The following ABCA1 variants were observed in gnomAD, a reference collection of about 807,000 sequenced individuals.
ABCA1 encodes the protein phospholipid-transporting ATPase ABCA1.
ABCA1 carries 133 observed loss-of-function variants against 262.5 expected under a neutral mutation model. The observed-to-expected ratio is 0.51, with a 90% confidence interval of 0.44 to 0.59. The LOEUF is 0.59. Ranked by LOEUF, ABCA1 falls within the 20% of genes least tolerant of loss-of-function variation. ABCA1 has a pLI of 0.00. For synonymous variants in ABCA1, 1,022 were observed against 1,043.5 expected, an observed-to-expected ratio of 0.98 and a Z score of 0.40; for missense variants, 2,452 against 2,777.5, an observed-to-expected ratio of 0.88 and a Z score of 2.63.
intron 5 of ABCA1, among the ~76,000 whole-genome samples, chr9:104,868,399 T>G (rs1490174825): frequency 6.6e-6 from 1 of 152,218 alleles, no homozygotes; most frequent in Non-Finnish European, 1.5e-5. Context: ...ATTCACAGGT[T>G]GTTGTGCAAA....
rs148158232 is a variant in ABCA1 at position 104,926,206 on chromosome 9, C to G, written c.-93+1729G>C. Among the ~76,000 whole-genome samples, 281 of 152,180 alleles carry G rather than the reference C, an allele frequency of 1.8e-3. 1 individual carries two copies. The highest frequency in any genetic ancestry group is 6.5e-3 in the African/African-American group (271 of 41,538). On this transcript the variant is annotated intron_variant, in intron 1 of 49. Coordinates refer to ENST00000374736, the MANE Select transcript of ABCA1 (RefSeq NM_005502.4). ...GATGAATGTGTATATACTACCCATT[C>G]TCTTCTTGAAGTGTCAATGAAAAGT...
In ABCA1 at chr9:104,829,105, G is replaced by A. The variant is rs1833039333; in HGVS notation, c.1926C>T (p.Leu642=). The A allele has an allele frequency of 2.5e-6, 4 of 1,614,216 alleles. No individual in the cohort carries two copies. Among genetic ancestry groups the A allele is most frequent in the Non-Finnish European group, 2.5e-6 (3 of 1,180,046 alleles). The part of the protein sequence containing the change: ...FLRVMSRSMP[L]FMTLAWIYSV... ...AGTAAATCCAGGCCAGCGTCATGAA[G>A]AGGGGCATTGACCGGCTCATCACCC... The change falls in exon 15 of 50, where the codon CTC becomes CTT. Residue 642 remains leucine, a synonymous_variant. Transcript: ENST00000374736.
chr9:104,870,062 A>T (rs1013135359), intron 5 of ABCA1, among the ~76,000 whole-genome samples: 1 of 152,232 alleles, frequency 6.6e-6, no homozygotes, highest in African/African-American at 2.4e-5. Flanking sequence ...AAGAATTCCC[A>T]AGAGAAACCA....
rs1185382358 is a variant in ABCA1, at chr9:104,792,839, T to TTC, written c.5702_5703dup (p.Ile1902GlufsTer12). On this transcript the variant is annotated frameshift_variant, in exon 42 of 50. Coordinates refer to ENST00000374736, the MANE Select transcript of ABCA1 (RefSeq NM_005502.4). LOFTEE classifies it high-confidence loss of function. ...TCATTCTGGCCTCCACCATCAAGAA[T>TTC]TCTCTGTCTTTCCCGCCTCACATCT... is the stretch of plus-strand genomic sequence containing the variant. 1.9e-6 allele frequency: 3 copies of TTC among 1,614,184 alleles called. No homozygotes were observed. Among genetic ancestry groups the TTC allele is most frequent in the Non-Finnish European group, 2.5e-6 (3 of 1,180,014 alleles).
chr9:104,832,806 A>T, intron 11 of ABCA1, 35 bp from the exon 12 acceptor site: 1 of 1,600,624 alleles, frequency 6.2e-7, no homozygotes, highest in South Asian at 1.1e-5. Context: ...AGTAGTAAAC[A>T]CCAACTAAAT....
chr9:104,887,138 C>T (rs13286395), intron 3 of ABCA1, among the ~76,000 whole-genome samples: 23,879 of 152,084 alleles, frequency 0.16, 2,298 homozygotes, highest in African/African-American at 0.27. Context: ...ATTAGCCGGA[C>T]GTGGTGGCAC....
chr9:104,855,048 A>G (rs1176509005), intron 7 of ABCA1: 5 of 642,844 alleles, frequency 7.8e-6, no homozygotes, highest in Non-Finnish European at 9.6e-6. Flanking sequence ...TAATTTTCAC[A>G]CAAGGTACGG....
intron 9 of ABCA1, among the ~76,000 whole-genome samples, 185 bp downstream of exon 9, chr9:104,840,094 A>G (rs1277426741): frequency 6.6e-6 from 1 of 152,218 alleles, no homozygotes; most frequent in Admixed American, 6.5e-5. Context: ...GGCTGCATTC[A>G]GAGAACTGGG....
chr9:104,830,443 A>C (rs901765581), intron 14 of ABCA1, among the ~76,000 whole-genome samples: 9 of 152,180 alleles, frequency 5.9e-5, no homozygotes, highest in African/African-American at 2.2e-4. Flanking sequence ...TAATCCCAGC[A>C]CTTTGGGAGG....
intron 5 of ABCA1, among the ~76,000 whole-genome samples, chr9:104,866,929 G>C (rs1837147176): frequency 1.3e-5 from 2 of 152,216 alleles, no homozygotes; most frequent in African/African-American, 4.8e-5. Flanking sequence ...AAAGCCAGCA[G>C]TGCCTGGCAC....
chr9:104,883,293 A>G (rs541068359), intron 4 of ABCA1, 136 bp from the exon 5 acceptor site: 26 of 753,454 alleles, frequency 3.5e-5, no homozygotes, highest in African/African-American at 3.1e-4. Flanking sequence ...ACCCACTCCC[A>G]TGGCTCCCCA....
rs1838578307 is a variant in ABCA1 at position 104,880,834 on chromosome 9, C to T, written c.421+2205G>A. On this transcript the variant is annotated intron_variant, in intron 5 of 49. Transcript: ENST00000374736. ...TTTTTAGATACAGATTTGGCTTCTT[C>T]ACCACTTAACTCATGTCTCCAGCTT... 7.2e-5 allele frequency among the ~76,000 whole-genome samples: 11 copies of T among 152,160 alleles called. No individual in the cohort carries two copies. The South Asian group carries it at 2.3e-3, about 32-fold the overall frequency.
At chr9:104,827,715 T>C (rs149651419) in intron 15 of ABCA1, among the ~76,000 whole-genome samples, 1 of 152,308 alleles carries the variant, frequency 6.6e-6, no homozygotes, top group East Asian at 1.9e-4. Flanking sequence ...GAGCAGCTCT[T>C]ATGCACCAAC....
intron 1 of ABCA1, among the ~76,000 whole-genome samples, chr9:104,922,613 G>C (rs957316928): frequency 6.6e-6 from 1 of 152,130 alleles, no homozygotes; most frequent in East Asian, 1.9e-4. Context: ...AACAGTAAAT[G>C]TAACTATTTT....
intron 1 of ABCA1, among the ~76,000 whole-genome samples, chr9:104,906,315 G>A (rs1841130249): frequency 6.6e-6 from 1 of 152,084 alleles, no homozygotes; most frequent in Admixed American, 6.6e-5. Context: ...GAGTGGAAAA[G>A]CTCAAAGGAA....
intron 7 of ABCA1, among the ~76,000 whole-genome samples, chr9:104,852,915 A>C (rs1835498554): frequency 6.6e-6 from 1 of 152,188 alleles, no homozygotes; most frequent in African/African-American, 2.4e-5. Context: ...ATCTAGCCCT[A>C]AAAAGCCATG....
chr9:104,788,263 C>T (rs903745385), intron 45 of ABCA1, among the ~76,000 whole-genome samples, 163 bp downstream of exon 45: 5 of 152,144 alleles, frequency 3.3e-5, no homozygotes, highest in African/African-American at 1.2e-4. Flanking sequence ...GCCCCACCAC[C>T]GTTACAGGTT....
chr9:104,850,825 A>G (rs183022894), intron 7 of ABCA1, among the ~76,000 whole-genome samples: 18 of 152,370 alleles, frequency 1.2e-4, no homozygotes, highest in African/African-American at 3.8e-4. Flanking sequence ...TCTCTTGGCT[A>G]TGAACTCACA....
chr9:104,915,143 C>T (rs767072037), intron 1 of ABCA1, among the ~76,000 whole-genome samples: 1 of 152,218 alleles, frequency 6.6e-6, no homozygotes, highest in Non-Finnish European at 1.5e-5. Flanking sequence ...CCTTTACTTG[C>T]GCCAAACTGA....
Sources: allele counts gnomAD v4.1 joint callset (sites outside exome capture counted in the v4.1 genomes callset), GRCh38; gene constraint gnomAD v4.1.1; transcripts MANE v1.5; gene names NCBI Gene and HGNC (gene_info 2026-07-23, HGNC 2026-07-21).